The following BRIX1 variants were observed in gnomAD, a reference collection of about 807,000 sequenced individuals.
BRIX1 encodes ribosome biogenesis protein BRX1 homolog.
A neutral mutation model predicts 44.0 loss-of-function variants in BRIX1; 15 were observed. The ratio of observed to expected loss-of-function variants is 0.34; its 90% CI spans 0.23 to 0.53. The LOEUF (loss-of-function observed/expected upper bound fraction) is 0.53. Ranked by LOEUF, BRIX1 falls within the 20% of genes least tolerant of loss-of-function variation. The probability of loss-of-function intolerance (pLI) is 0.95; values close to 1 mark genes in which losing one functional copy is unlikely to be tolerated. For missense variants in BRIX1, 420 were observed against 432.8 expected, an observed-to-expected ratio of 0.97 and a Z score of 0.26; for synonymous variants, 149 against 135.4, an observed-to-expected ratio of 1.10 and a Z score of -0.70.
At chr5:34,925,204 A>G in intron 9 of BRIX1, 22 bp from the exon 10 acceptor site, 5 of 1,484,014 alleles carry the variant, frequency 3.4e-6, no homozygotes, top group Non-Finnish European at 4.5e-6. Context: ...AAAAGCATCT[A>G]ATCTTTTTTT....
intron 1 of BRIX1, 37 bp downstream of exon 1, chr5:34,915,934 C>T: frequency 6.7e-7 from 1 of 1,498,312 alleles, no homozygotes. Context: ...CCTGCGGCGG[C>T]GGCTCTGTGC....
chr5:34,918,140 CAA>C (rs1184236238), intron 1 of BRIX1: 1,053 of 102,976 alleles, frequency 0.01, no homozygotes, highest in East Asian at 0.017. Flanking sequence ...CCCATCTCTA[CAA>C]AAAAAAAAAA....
Position 34,915,753 on chromosome 5 carries a change from G to A in BRIX1, c.15G>A (p.Lys5=), listed in dbSNP as rs767943826. Residue 5 remains lysine, a synonymous_variant, in exon 1 of 10, where the codon AAG becomes AAA. Coordinates refer to ENST00000336767, the MANE Select transcript of BRIX1 (RefSeq NM_018321.4). ...GGCGAGGCAAGATGGCGGCAACCAA[G>A]AGGAAACGGCGTGGAGGCTTTGCAG... MAAT[K]RKRRGGFAVQ... The A allele has an allele frequency of 8.7e-6, 14 of 1,603,658 alleles. 1 individual carries two copies. The South Asian group carries it at 1.0e-4, about 12-fold the overall frequency.
rs748561887 is a variant in BRIX1, at chr5:34,919,861, A to G, written c.293A>G (p.Asp98Gly). ...CTAGATACTAAAATGGATCGTAAGG[A>G]TAAGCTATTTGTGATTAACGAGGTA... ...SKADTKMDRK[D>G]KLFVINEVCE... Residue 98 changes from aspartate (D) to glycine (G), a missense_variant, in exon 3 of 10, where the codon GAT becomes GGT. Asp to Gly is a moderately conservative substitution (Grantham distance 94). Transcript: ENST00000336767. 8.4e-7 allele frequency: 1 copy of G among 1,195,066 alleles called. No homozygotes were observed. The highest frequency in any genetic ancestry group is 2.2e-5 in the Admixed American group (1 of 45,422). The allele number at this position is 1,195,066 out of a possible 1,614,324, so 74.0% of individuals were successfully genotyped here.
In BRIX1 at chr5:34,922,739, G is replaced by C. The variant is rs1292117588; in HGVS notation, c.481G>C (p.Gly161Arg). 4 of 1,614,026 alleles carry C rather than the reference G, an allele frequency of 2.5e-6. No individual in the cohort carries two copies. In the South Asian group the frequency reaches 4.4e-5, roughly 18 times the overall value. ...ELKMTGNCLKGSRPLLSFDPA... is the reference protein window; with the variant it reads ...ELKMTGNCLKRSRPLLSFDPA... Reference sequence around the variant, plus strand: ...GAAGATGACTGGAAACTGTTTGAAAGGTTCTCGGCCCCTTTTGTCTTTTGA... The same window carrying C: ...GAAGATGACTGGAAACTGTTTGAAACGTTCTCGGCCCCTTTTGTCTTTTGA... The change falls in exon 6 of 10, where the codon GGT becomes CGT. Residue 161 changes from glycine (G) to arginine (R), a missense_variant. By Grantham distance (125) the Gly-to-Arg change is moderately radical. Coordinates refer to ENST00000336767, the MANE Select transcript of BRIX1 (RefSeq NM_018321.4).
chr5:34,925,147 T>A (rs1456150485), intron 9 of BRIX1, 79 bp from the exon 10 acceptor site: 63 of 1,457,782 alleles, frequency 4.3e-5, no homozygotes, highest in Non-Finnish European at 5.6e-5. Flanking sequence ...GATATATGGT[T>A]CATAACTGAA....
intron 1 of BRIX1, chr5:34,916,191 T>A: frequency 3.7e-6 from 1 of 268,202 alleles, no homozygotes; most frequent in Non-Finnish European, 7.0e-6. Flanking sequence ...AGTTGTTTTT[T>A]TTTTTTAATG....
chr5:34,925,466 CAG>C lies in BRIX1; in HGVS notation c.1036_1037del (p.Arg346AspfsTer40). 2 of 1,613,642 alleles carry C rather than the reference CAG, an allele frequency of 1.2e-6. No individual in the cohort carries two copies. The highest frequency in any genetic ancestry group is 1.7e-6 in the Non-Finnish European group (2 of 1,179,914). On this transcript the variant is annotated frameshift_variant, in exon 10 of 10. Coordinates refer to ENST00000336767, the MANE Select transcript of BRIX1 (RefSeq NM_018321.4). LOFTEE classifies it high-confidence loss of function. ...RIYKRQRKMK[Q>X]RMDSGKTK ...TTACAAAAGGCAAAGAAAAATGAAA[CAG>C]AGGATGGACAGTGGGAAAACAAAAT...
intron 3 of BRIX1, 166 bp from the exon 4 acceptor site, chr5:34,922,038 AGAATACCTAAGAG>A (rs1764250571): frequency 2.7e-6 from 1 of 376,358 alleles, no homozygotes; most frequent in African/African-American, 2.1e-5. Context: ...TACCTTGGGT[AGAATACCTAAGAG>A]GAACTTTAAA....
At chr5:34,918,754 T>A (rs1764172719) in intron 2 of BRIX1, 1 of 253,504 alleles carries the variant, frequency 3.9e-6, no homozygotes, top group Admixed American at 5.4e-5. Flanking sequence ...CTTCTGAAGG[T>A]CCTGAGATAG....
intron 2 of BRIX1, among the ~76,000 whole-genome samples, chr5:34,919,496 GAT>G (rs766371250): frequency 2.0e-5 from 3 of 152,116 alleles, no homozygotes; most frequent in Non-Finnish European, 4.4e-5. Context: ...AAAAGTGAAA[GAT>G]ATTTTCATTG....
At chr5:34,918,169 A>C in intron 1 of BRIX1, 195 bp from the exon 2 acceptor site, 1 of 357,186 alleles carries the variant, frequency 2.8e-6, no homozygotes. Flanking sequence ...AACTAGCTGG[A>C]CATGGTGGCA....
At position 34,925,325 on chromosome 5, in the gene BRIX1, C is replaced by A. The variant is rs763790856; in HGVS notation, c.892C>A (p.Leu298Ile). 3.1e-6 allele frequency: 5 copies of A among 1,613,458 alleles called. No individual in the cohort carries two copies. Among genetic ancestry groups the A allele is most frequent in the Non-Finnish European group, 4.2e-6 (5 of 1,179,954 alleles). Reference protein sequence around the residue: ...KLRKKEPKTLLPHDPTADVFV... With the variant: ...KLRKKEPKTLIPHDPTADVFV... ...GAGAAAGAAAGAGCCGAAGACTCTTCTTCCACATGATCCCACTGCAGATGT... is the reference window on the plus strand; with the variant it reads ...GAGAAAGAAAGAGCCGAAGACTCTTATTCCACATGATCCCACTGCAGATGT... The change falls in exon 10 of 10, where the codon CTT becomes ATT. Residue 298 changes from leucine to isoleucine, a missense_variant. By Grantham distance (5) the Leu-to-Ile change is conservative. Transcript: ENST00000336767.
In BRIX1 at chr5:34,919,871, T is replaced by C; in HGVS notation, c.303T>C (p.Phe101=). 8.3e-7 allele frequency: 1 copy of C among 1,197,834 alleles called. No individual in the cohort carries two copies. Among genetic ancestry groups the C allele is most frequent in the Non-Finnish European group, 1.2e-6 (1 of 834,804 alleles). The allele number at this position is 1,197,834 out of a possible 1,614,324, so 74.2% of individuals were successfully genotyped here. ...AAATGGATCGTAAGGATAAGCTATT[T>C]GTGATTAACGAGGTAATTTTGGAAA... ...DTKMDRKDKL[F]VINEVCEMKN... is the part of the protein sequence containing the mutation. The change falls in exon 3 of 10, where the codon TTT becomes TTC. Residue 101 remains phenylalanine (F), a synonymous_variant. Transcript: ENST00000336767.
chr5:34,924,871 G>C lies in BRIX1; in HGVS notation c.688G>C (p.Val230Leu), dbSNP rs533312445. 2 of 1,606,162 alleles carry C rather than the reference G, an allele frequency of 1.2e-6. No homozygotes were observed. The highest frequency in any genetic ancestry group is 1.3e-5 in the African/African-American group (1 of 74,762). The change falls in exon 9 of 10, where the codon GTA (valine) becomes CTA (leucine). Residue 230 changes from valine (V) to leucine (L), a missense_variant. Val to Leu is a conservative substitution (Grantham distance 32, BLOSUM62 1). Coordinates refer to ENST00000336767, the MANE Select transcript of BRIX1 (RefSeq NM_018321.4). Reference protein sequence around the residue: ...FQIIEEDAALVEIGPRFVLNL... With the variant: ...FQIIEEDAALLEIGPRFVLNL... ...GATCATAGAAGAAGATGCTGCTCTT[G>C]TAGAAATAGGACCTCGTTTTGTCTT...
Position 34,925,481 on chromosome 5 carries a change from G to A in BRIX1, c.1048G>A (p.Gly350Arg). The A allele has an allele frequency of 6.2e-7, 1 of 1,609,472 alleles. No individual in the cohort carries two copies. The highest frequency in any genetic ancestry group is 8.5e-7 in the Non-Finnish European group (1 of 1,178,428). The stretch of plus-strand genomic sequence containing the variant: ...AAAAATGAAACAGAGGATGGACAGT[G>A]GGAAAACAAAATAAGTCAATGGAAA... Reference protein sequence around the residue: ...QRKMKQRMDSGKTK With the variant: ...QRKMKQRMDSRKTK The change falls in exon 10 of 10, where the codon GGG (glycine) becomes AGG (arginine). Residue 350 changes from glycine (G) to arginine (R), a missense_variant. By Grantham distance (125) the Gly-to-Arg change is moderately radical. Coordinates refer to ENST00000336767, the MANE Select transcript of BRIX1 (RefSeq NM_018321.4).
chr5:34,916,050 C>T lies in BRIX1; in HGVS notation c.159+153C>T, dbSNP rs1172220370. ...GCAATTCTCCCGGCCAGACTGGGCA[C>T]GGAGTTTGCAGCTAATCCTTGTGCA... On this transcript the variant is annotated intron_variant, in intron 1 of 9. Transcript: ENST00000336767. 9.0e-6 allele frequency: 8 copies of T among 890,386 alleles called. No homozygotes were observed. In the Admixed American group the frequency reaches 2.5e-4, roughly 28 times the overall value. The allele number at this position is 890,386 out of a possible 1,614,324, so 55.2% of individuals were successfully genotyped here. A position where few individuals can be genotyped will look rare whatever the true frequency, so the allele number is the denominator to read the frequency against.
rs1400438721 is a variant in BRIX1, at chr5:34,919,859, G to A, written c.291G>A (p.Lys97=). The change falls in exon 3 of 10, where the codon AAG becomes AAA. Residue 97 remains lysine (K), a synonymous_variant. Coordinates refer to ENST00000336767, the MANE Select transcript of BRIX1 (RefSeq NM_018321.4). ...TTCTAGATACTAAAATGGATCGTAA[G>A]GATAAGCTATTTGTGATTAACGAGG... The part of the protein sequence containing the change: ...HSKADTKMDR[K]DKLFVINEVC... The A allele has an allele frequency of 8.4e-7, 1 of 1,186,114 alleles. No individual in the cohort carries two copies. Among genetic ancestry groups the A allele is most frequent in the Non-Finnish European group, 1.2e-6 (1 of 831,756 alleles). The allele number at this position is 1,186,114 out of a possible 1,614,324, so 73.5% of individuals were successfully genotyped here.
intron 9 of BRIX1, 84 bp from the exon 10 acceptor site, chr5:34,925,142 A>G: frequency 6.9e-7 from 1 of 1,454,096 alleles, no homozygotes; most frequent in Non-Finnish European, 9.1e-7. Flanking sequence ...GAAAGGATAT[A>G]TGGTTCATAA....
Sources: allele counts gnomAD v4.1 joint callset (sites outside exome capture counted in the v4.1 genomes callset), GRCh38; gene constraint gnomAD v4.1.1; transcripts MANE v1.5; gene names NCBI Gene and HGNC (gene_info 2026-07-23, HGNC 2026-07-21).